PPARGC1A: variants seen among roughly 807,000 people sequenced by gnomAD.
The protein encoded by PPARGC1A is PPARG coactivator 1 alpha.
Under a neutral mutation model 88.7 loss-of-function variants are expected in PPARGC1A, and 25 were observed. The observed-to-expected ratio is 0.28, with a 90% CI of 0.21 to 0.39. The LOEUF is 0.39. PPARGC1A is among the 10% of genes least tolerant of loss of function. PPARGC1A has a pLI of 1.00. For missense variants in PPARGC1A, 880 were observed against 968.7 expected (o/e 0.91, Z 1.22); for synonymous variants, 363 against 355.6 (o/e 1.02, Z -0.24).
the PPARGC1A span, among the ~76,000 whole-genome samples, chr4:24,218,201 T>TA: frequency 6.6e-6 from 1 of 152,178 alleles, no homozygotes; most frequent in Non-Finnish European, 1.5e-5. Context: ...AACAATGGCA[T>TA]ATAACAAGTG....
the PPARGC1A span, among the ~76,000 whole-genome samples, chr4:24,172,776 C>A: frequency 1.3e-5 from 2 of 152,178 alleles, no homozygotes; most frequent in African/African-American, 4.8e-5. Flanking sequence ...GCAAACACGG[C>A]ACTTTACCCT....
chr4:24,324,673 A>G, the PPARGC1A span, among the ~76,000 whole-genome samples: 6 of 152,122 alleles, frequency 3.9e-5, no homozygotes, highest in African/African-American at 1.2e-4. Context: ...TTTCCATCCT[A>G]CAAGATTTAA....
At chr4:24,003,345 A>T in the PPARGC1A span, among the ~76,000 whole-genome samples, 7 of 152,330 alleles carry the variant, frequency 4.6e-5, no homozygotes, top group South Asian at 1.0e-3. Context: ...GCCTCTGGGA[A>T]CTTAGTTGAA....
At chr4:24,198,926 T>C in the PPARGC1A span, among the ~76,000 whole-genome samples, 2 of 152,232 alleles carry the variant, frequency 1.3e-5, no homozygotes, top group South Asian at 4.1e-4. Context: ...AGATGAGAAG[T>C]TGTCCTAAGC....
the PPARGC1A span, among the ~76,000 whole-genome samples, chr4:24,233,024 C>T: frequency 6.6e-6 from 1 of 152,028 alleles, no homozygotes; most frequent in Non-Finnish European, 1.5e-5. Context: ...ACACAAGGAT[C>T]CCAAGGCTGC....
the PPARGC1A span, among the ~76,000 whole-genome samples, chr4:24,128,081 T>C: frequency 6.6e-6 from 1 of 152,216 alleles, no homozygotes; most frequent in South Asian, 2.1e-4. Context: ...GCATCCTCCA[T>C]ATATATCTGC....
At chr4:24,064,727 T>G in the PPARGC1A span, among the ~76,000 whole-genome samples, 15 of 152,314 alleles carry the variant, frequency 9.8e-5, no homozygotes, top group Admixed American at 9.2e-4. Flanking sequence ...ATTTTTCATC[T>G]ACCTGAAGAC....
intron 1 of PPARGC1A, among the ~76,000 whole-genome samples, chr4:23,897,440 A>C (rs1448718560): frequency 6.6e-6 from 1 of 152,194 alleles, no homozygotes; most frequent in East Asian, 1.9e-4. Flanking sequence ...TCATGTAATG[A>C]TACTGAGCCT....
At chr4:23,814,807 G>T (rs1721647756) in intron 7 of PPARGC1A, among the ~76,000 whole-genome samples, 1 of 152,016 alleles carries the variant, frequency 6.6e-6, no homozygotes, top group Non-Finnish European at 1.5e-5. Context: ...ACCAAGAAAA[G>T]ATGGATCTAC....
chr4:24,277,687 A>G, the PPARGC1A span, among the ~76,000 whole-genome samples: 35 of 152,214 alleles, frequency 2.3e-4, no homozygotes, highest in African/African-American at 4.8e-5. Flanking sequence ...CCCTCATTTC[A>G]TTTATTTCCT....
At chr4:24,138,912 GAC>G in the PPARGC1A span, among the ~76,000 whole-genome samples, 3 of 152,100 alleles carry the variant, frequency 2.0e-5, no homozygotes, top group Admixed American at 2.0e-4. Flanking sequence ...TAACCTACAA[GAC>G]ACTCTGCGGC....
At chr4:24,020,300 G>A in the PPARGC1A span, among the ~76,000 whole-genome samples, 59 of 152,238 alleles carry the variant, frequency 3.9e-4, 1 homozygote, top group African/African-American at 1.3e-3. Context: ...TTTATTTTTG[G>A]AAGAAAGGCT....
chr4:23,989,355 G>T, the PPARGC1A span, among the ~76,000 whole-genome samples: 1 of 151,906 alleles, frequency 6.6e-6, no homozygotes. Context: ...ATAACTAAGT[G>T]CAAGTGGGTA....
chr4:24,173,117 C>T, the PPARGC1A span, among the ~76,000 whole-genome samples: 1 of 152,052 alleles, frequency 6.6e-6, no homozygotes, highest in Non-Finnish European at 1.5e-5. Context: ...TTACTGGTGA[C>T]AGGGCATGCT....
chr4:24,015,658 G>A, the PPARGC1A span, among the ~76,000 whole-genome samples: 2 of 152,088 alleles, frequency 1.3e-5, no homozygotes, highest in African/African-American at 4.8e-5. Flanking sequence ...TGAGTGTAAT[G>A]CACTCTTGTG....
the PPARGC1A span, among the ~76,000 whole-genome samples, chr4:24,390,519 T>C: frequency 2.2e-4 from 34 of 152,274 alleles, no homozygotes; most frequent in African/African-American, 7.2e-4. Flanking sequence ...ATGCATGTTA[T>C]GCACATGTGC....
At chr4:24,440,440 G>T in the PPARGC1A span, among the ~76,000 whole-genome samples, 1 of 152,174 alleles carries the variant, frequency 6.6e-6, no homozygotes, top group Admixed American at 6.5e-5. Context: ...CATGGCACAT[G>T]GCAGGCCACA....
the PPARGC1A span, among the ~76,000 whole-genome samples, chr4:24,121,648 G>A: frequency 4.9e-4 from 75 of 152,210 alleles, no homozygotes; most frequent in Admixed American, 1.6e-3. Flanking sequence ...AGGAAACCAC[G>A]AGGCCCATAC....
At chr4:24,181,981 C>T in the PPARGC1A span, among the ~76,000 whole-genome samples, 2 of 151,812 alleles carry the variant, frequency 1.3e-5, no homozygotes, top group African/African-American at 4.8e-5. Flanking sequence ...GTTCTTGGCA[C>T]CTCACTTTTT....
Sources: gnomAD v4.1 joint callset for allele counts (sites outside exome capture counted in the v4.1 genomes callset) on GRCh38, gnomAD v4.1.1 for gene constraint, MANE v1.5 for transcripts, NCBI Gene and HGNC (gene_info 2026-07-23, HGNC 2026-07-21) for gene names.